SRPK2: variants seen among roughly 807,000 people sequenced by gnomAD.
The protein encoded by SRPK2 is SRSF protein kinase 2.
SRPK2 carries 21 observed loss-of-function variants against 90.8 expected under a neutral mutation model. That is an observed-to-expected ratio of 0.23 (90% confidence interval 0.16 to 0.33). SRPK2 has a LOEUF of 0.33. Ranked by LOEUF, SRPK2 falls within the 10% of genes least tolerant of loss-of-function variation. The pLI is 1.00. For missense variants in SRPK2, 620 were observed against 869.0 expected (o/e 0.71, Z 3.60); for synonymous variants, 288 against 311.1 (o/e 0.93, Z 0.78).
rs565263345 is a variant in SRPK2, at chr7:105,385,001, C to T, written c.71+3647G>A. The stretch of plus-strand genomic sequence containing the variant: ...ACGCCATTCTCCTGCCTCAGCCTCC[C>T]GAGTAGCTGGGACTACAGGCGCCCA... On this transcript the variant is annotated intron_variant, in intron 2 of 15. Transcript: ENST00000393651. Among the ~76,000 whole-genome samples, 254 of 150,984 alleles carry T rather than the reference C, an allele frequency of 1.7e-3. 1 individual carries two copies. The highest frequency in any genetic ancestry group is 6.0e-3 in the African/African-American group (248 of 41,100).
intron 2 of SRPK2, among the ~76,000 whole-genome samples, chr7:105,315,548 C>G (rs900922666): frequency 6.6e-6 from 1 of 152,170 alleles, no homozygotes; most frequent in African/African-American, 2.4e-5. Context: ...GCCAGGCAAA[C>G]ATGAGAATTC....
chr7:105,125,624 G>GT (rs1274234627), intron 15 of SRPK2, among the ~76,000 whole-genome samples: 1 of 152,172 alleles, frequency 6.6e-6, no homozygotes, highest in Non-Finnish European at 1.5e-5. Context: ...CTTACTCCAG[G>GT]TATCAGATGG....
At chr7:105,179,476 C>G (rs756502669) in intron 3 of SRPK2, among the ~76,000 whole-genome samples, 3 of 152,150 alleles carry the variant, frequency 2.0e-5, no homozygotes, top group Non-Finnish European at 4.4e-5. Context: ...CGATTCACTA[C>G]AGTAGCCCAA....
chr7:105,194,877 T>C (rs149526963), intron 3 of SRPK2, among the ~76,000 whole-genome samples: 7 of 152,132 alleles, frequency 4.6e-5, no homozygotes, highest in African/African-American at 1.4e-4. Context: ...CAAACCCCCA[T>C]ACATTCTGTC....
chr7:105,310,584 T>G (rs571909498), intron 2 of SRPK2, among the ~76,000 whole-genome samples: 1 of 152,054 alleles, frequency 6.6e-6, no homozygotes, highest in Non-Finnish European at 1.5e-5. Context: ...GCAGAGGTTG[T>G]AGAAGCCGAG....
chr7:105,190,733 G>C (rs914467763), intron 3 of SRPK2, among the ~76,000 whole-genome samples: 1 of 152,124 alleles, frequency 6.6e-6, no homozygotes, highest in African/African-American at 2.4e-5. Context: ...ACAAAGGCTA[G>C]ATATCTCTTT....
intron 3 of SRPK2, among the ~76,000 whole-genome samples, chr7:105,179,139 G>T (rs1474571475): frequency 2.0e-5 from 3 of 152,132 alleles, no homozygotes; most frequent in Non-Finnish European, 4.4e-5. Context: ...TTCATGTCAA[G>T]GCCAACACAT....
chr7:105,352,296 T>C (rs1585843223), intron 2 of SRPK2, among the ~76,000 whole-genome samples: 2 of 152,216 alleles, frequency 1.3e-5, no homozygotes, highest in Non-Finnish European at 2.9e-5. Context: ...GAAGTGGCAG[T>C]GTGAGGTCTT....
chr7:105,243,140 T>G (rs2129625148), intron 2 of SRPK2, among the ~76,000 whole-genome samples: 1 of 152,182 alleles, frequency 6.6e-6, no homozygotes, highest in East Asian at 1.9e-4. Context: ...TAGCTGGGAC[T>G]CCAGGCCCGC....
At chr7:105,270,794 G>T (rs1486470424) in intron 2 of SRPK2, among the ~76,000 whole-genome samples, 1 of 152,092 alleles carries the variant, frequency 6.6e-6, no homozygotes, top group Non-Finnish European at 1.5e-5. Context: ...GTAAAATGAG[G>T]ATAATAACAT....
intron 11 of SRPK2, among the ~76,000 whole-genome samples, chr7:105,137,337 C>T (rs749851198): frequency 4.6e-5 from 7 of 152,200 alleles, no homozygotes; most frequent in Non-Finnish European, 1.0e-4. Flanking sequence ...GGCATCACTA[C>T]TCTACATGGG....
chr7:105,300,022 C>A (rs923031770), intron 2 of SRPK2, among the ~76,000 whole-genome samples: 2 of 152,004 alleles, frequency 1.3e-5, no homozygotes, highest in Non-Finnish European at 2.9e-5. Flanking sequence ...CAGAGAAATT[C>A]TTTATGCTTC....
chr7:105,228,387 ATGT>A (rs1490468150), intron 2 of SRPK2, among the ~76,000 whole-genome samples: 4 of 152,232 alleles, frequency 2.6e-5, no homozygotes, highest in South Asian at 4.1e-4. Context: ...TTCATAAAAG[ATGT>A]TGTTTTAAAG....
intron 3 of SRPK2, among the ~76,000 whole-genome samples, chr7:105,203,123 G>A (rs1388159055): frequency 6.6e-6 from 1 of 152,082 alleles, no homozygotes; most frequent in Admixed American, 6.6e-5. Context: ...CAAGTGCCTG[G>A]AACTACAGGC....
At chr7:105,246,219 T>C (rs1801640641) in intron 2 of SRPK2, among the ~76,000 whole-genome samples, 1 of 152,104 alleles carries the variant, frequency 6.6e-6, no homozygotes, top group Non-Finnish European at 1.5e-5. Context: ...ACACACAGAG[T>C]AATTTCTGTC....
intron 2 of SRPK2, among the ~76,000 whole-genome samples, chr7:105,259,923 C>G (rs1306445263): frequency 6.6e-6 from 1 of 152,118 alleles, no homozygotes; most frequent in Non-Finnish European, 1.5e-5. Context: ...GACCTAACAC[C>G]ATAAAAACCC....
intron 2 of SRPK2, among the ~76,000 whole-genome samples, chr7:105,279,093 AGCTTTCCCCT>A (rs1806916202): frequency 6.6e-6 from 1 of 152,140 alleles, no homozygotes. Flanking sequence ...TGCCAGTACC[AGCTTTCCCCT>A]GCTGCAATTC....
chr7:105,335,040 A>C (rs1814927183), intron 2 of SRPK2, among the ~76,000 whole-genome samples: 1 of 151,914 alleles, frequency 6.6e-6, no homozygotes, highest in Admixed American at 6.6e-5. Flanking sequence ...GTGTGGTGGC[A>C]CATGCCTGTA....
At chr7:105,349,045 C>G (rs1324691545) in intron 2 of SRPK2, among the ~76,000 whole-genome samples, 2 of 151,282 alleles carry the variant, frequency 1.3e-5, no homozygotes, top group African/African-American at 4.9e-5. Context: ...ACTTGGAAGG[C>G]AGAGGCAGGA....
Sources: allele counts gnomAD v4.1 joint callset (sites outside exome capture counted in the v4.1 genomes callset), GRCh38; gene constraint gnomAD v4.1.1; transcripts MANE v1.5; gene names NCBI Gene and HGNC (gene_info 2026-07-23, HGNC 2026-07-21).